Variants in CSRNP3 observed in about 807,000 individuals in gnomAD.
The protein encoded by CSRNP3 is cysteine and serine rich nuclear protein 3.
CSRNP3 carries 12 observed loss-of-function variants against 48.0 expected under a neutral mutation model. The ratio of observed to expected loss-of-function variants is 0.25; its 90% confidence interval spans 0.16 to 0.41. CSRNP3 has a LOEUF of 0.41. Among genes scored for constraint, CSRNP3 ranks in the 10% least tolerant of loss-of-function variants. CSRNP3 has a pLI of 1.00. For synonymous variants in CSRNP3, 263 were observed against 269.7 expected, an observed-to-expected ratio of 0.98 and a Z score of 0.24; for missense variants, 580 against 724.4, an observed-to-expected ratio of 0.80 and a Z score of 2.29.
At chr2:165,615,865 C>A (rs577924209) in intron 4 of CSRNP3, among the ~76,000 whole-genome samples, 1 of 148,558 alleles carries the variant, frequency 6.7e-6, no homozygotes, top group Admixed American at 6.7e-5. Flanking sequence ...CACATACCAC[C>A]ATATCTGGCT....
chr2:165,575,018 T>C (rs894942726), intron 3 of CSRNP3, among the ~76,000 whole-genome samples: 2 of 152,232 alleles, frequency 1.3e-5, no homozygotes, highest in African/African-American at 4.8e-5. Flanking sequence ...CTTTGATTTT[T>C]CTAATTGTTA....
intron 4 of CSRNP3, among the ~76,000 whole-genome samples, chr2:165,644,739 G>T (rs918992410): frequency 9.9e-5 from 15 of 152,276 alleles, no homozygotes; most frequent in African/African-American, 3.6e-4. Context: ...TATTTTTCTG[G>T]TAGATATTGA....
intron 4 of CSRNP3, among the ~76,000 whole-genome samples, chr2:165,621,291 CTT>C (rs60553994): frequency 6.1e-3 from 817 of 134,358 alleles, no homozygotes; most frequent in Middle Eastern, 0.012. Flanking sequence ...TCCTTCAGTC[CTT>C]TTTTTTTTTT....
intron 5 of CSRNP3, among the ~76,000 whole-genome samples, chr2:165,667,085 A>AAGAG (rs59873387): frequency 2.7e-4 from 15 of 55,936 alleles, no homozygotes; most frequent in African/African-American, 7.4e-4. Flanking sequence ...GAGAGAAAGA[A>AAGAG]AGAGAGAGAG....
chr2:165,547,744 T>C (rs1685050964), intron 3 of CSRNP3, among the ~76,000 whole-genome samples: 2 of 152,034 alleles, frequency 1.3e-5, no homozygotes, highest in African/African-American at 4.8e-5. Flanking sequence ...TTGCAGGATG[T>C]TTTTTCTTGA....
intron 1 of CSRNP3, among the ~76,000 whole-genome samples, chr2:165,484,871 A>G (rs954340727): frequency 1.3e-5 from 2 of 152,226 alleles, no homozygotes; most frequent in African/African-American, 4.8e-5. Context: ...ACAAACTAGA[A>G]TAAAACAATT....
intron 3 of CSRNP3, among the ~76,000 whole-genome samples, chr2:165,528,998 G>C (rs1322543040): frequency 6.6e-6 from 1 of 152,198 alleles, no homozygotes; most frequent in Non-Finnish European, 1.5e-5. Flanking sequence ...TGCCCTCCTG[G>C]GTGCAGTTGC....
chr2:165,485,878 T>C (rs1684105847), intron 1 of CSRNP3, among the ~76,000 whole-genome samples: 1 of 152,194 alleles, frequency 6.6e-6, no homozygotes, highest in Non-Finnish European at 1.5e-5. Context: ...GGATGATTCT[T>C]ATTTTAAATC....
intron 3 of CSRNP3, among the ~76,000 whole-genome samples, chr2:165,592,921 C>A (rs1685744995): frequency 6.7e-6 from 1 of 149,760 alleles, no homozygotes; most frequent in Non-Finnish European, 1.5e-5. Context: ...CCTGCCTCAG[C>A]CTCCCAAGTA....
chr2:165,570,361 T>C (rs74583747), intron 3 of CSRNP3, among the ~76,000 whole-genome samples: 3,301 of 152,110 alleles, frequency 0.022, 128 homozygotes, highest in African/African-American at 0.076. Context: ...TTACTGGCAA[T>C]GTGTTTTAAT....
intron 3 of CSRNP3, among the ~76,000 whole-genome samples, chr2:165,546,545 A>G (rs1433967734): frequency 6.6e-6 from 1 of 152,148 alleles, no homozygotes; most frequent in Non-Finnish European, 1.5e-5. Flanking sequence ...TAAAAGCTCA[A>G]TGCTGTATTT....
rs1685998593 is a variant in CSRNP3, at chr2:165,605,677, G to C, written c.148+10464G>C. ...ACAGCCTGGATGACAATGAGAATAT[G>C]TCTCTAAATAAATAAAAATTTAAAA... On this transcript the variant is annotated intron_variant, in intron 4 of 6. Transcript: ENST00000651982. 2.6e-5 allele frequency among the ~76,000 whole-genome samples: 4 copies of C among 152,132 alleles called. 1 individual carries two copies. The highest frequency in any genetic ancestry group is 9.6e-5 in the African/African-American group (4 of 41,528).
chr2:165,472,761 CATA>C (rs1683911219), intron 1 of CSRNP3, among the ~76,000 whole-genome samples: 1 of 151,902 alleles, frequency 6.6e-6, no homozygotes, highest in African/African-American at 2.4e-5. Flanking sequence ...ACTTTATTTT[CATA>C]ATATTAACCT....
chr2:165,604,652 C>T (rs1444718220), intron 4 of CSRNP3, among the ~76,000 whole-genome samples: 1 of 152,154 alleles, frequency 6.6e-6, no homozygotes, highest in East Asian at 1.9e-4. Context: ...CTTTACCAGG[C>T]AGAAACATCA....
chr2:165,499,954 A>G (rs948252453), intron 2 of CSRNP3, among the ~76,000 whole-genome samples: 20 of 152,014 alleles, frequency 1.3e-4, no homozygotes, highest in African/African-American at 3.6e-4. Flanking sequence ...AGACATTTGA[A>G]TAAAATTTTA....
intron 4 of CSRNP3, among the ~76,000 whole-genome samples, chr2:165,633,152 G>A (rs938603250): frequency 1.3e-5 from 2 of 152,124 alleles, no homozygotes; most frequent in Non-Finnish European, 2.9e-5. Flanking sequence ...TGAAAATACC[G>A]ATTTAAGAGA....
chr2:165,579,467 A>G (rs1038518230), intron 3 of CSRNP3, among the ~76,000 whole-genome samples: 1 of 151,746 alleles, frequency 6.6e-6, no homozygotes, highest in African/African-American at 2.4e-5. Flanking sequence ...CTGCTCTACT[A>G]TTTTTCCATT....
chr2:165,653,025 C>T (rs1344890139), intron 4 of CSRNP3, among the ~76,000 whole-genome samples: 3 of 152,096 alleles, frequency 2.0e-5, no homozygotes, highest in African/African-American at 7.2e-5. Flanking sequence ...TTTCAGATTC[C>T]CTACGGCAGA....
chr2:165,675,464 C>T (rs1386670670), intron 5 of CSRNP3, among the ~76,000 whole-genome samples: 4 of 152,070 alleles, frequency 2.6e-5, no homozygotes, highest in Admixed American at 1.3e-4. Flanking sequence ...GGAAACATAA[C>T]GTGATACAAT....
Sources: allele counts gnomAD v4.1 joint callset (sites outside exome capture counted in the v4.1 genomes callset), GRCh38; gene constraint gnomAD v4.1.1; transcripts MANE v1.5; gene names NCBI Gene and HGNC (gene_info 2026-07-23, HGNC 2026-07-21).